SPTLC1: variants seen among roughly 807,000 people sequenced by gnomAD.
SPTLC1 encodes serine palmitoyltransferase long chain base subunit 1.
In SPTLC1, 55 loss-of-function variants were observed where a neutral mutation model predicts 68.9. The observed-to-expected ratio is 0.80, with a 90% CI of 0.64 to 1.00. The LOEUF is 1.00. SPTLC1 is among the 50% of genes least tolerant of loss of function. The probability of loss-of-function intolerance (pLI) is 0.00; values close to 1 mark genes in which losing one functional copy is unlikely to be tolerated. For synonymous variants in SPTLC1, 197 were observed against 201.6 expected (o/e 0.98, Z 0.19); for missense variants, 449 against 573.1 (o/e 0.78, Z 2.21).
intron 5 of SPTLC1, among the ~76,000 whole-genome samples, chr9:92,078,041 G>A (rs535415143): frequency 6.3e-4 from 95 of 151,940 alleles, no homozygotes; most frequent in Middle Eastern, 3.4e-3. Context: ...CTACACAGCT[G>A]TCCCTGCCCT....
intron 6 of SPTLC1, among the ~76,000 whole-genome samples, chr9:92,062,211 T>G (rs1834131311): frequency 6.6e-6 from 1 of 151,888 alleles, no homozygotes; most frequent in African/African-American, 2.4e-5. Context: ...AGAAAGAAAA[T>G]TATCAGAGTG....
At chr9:92,115,288 C>T in intron 1 of SPTLC1, 26 bp downstream of exon 1, 12 of 1,610,928 alleles carry the variant, frequency 7.4e-6, no homozygotes, top group Non-Finnish European at 1.0e-5. Context: ...GGTGTGGTCG[C>T]GGACCGCTAA....
chr9:92,097,467 T>C (rs781449033), intron 3 of SPTLC1, among the ~76,000 whole-genome samples: 1 of 152,258 alleles, frequency 6.6e-6, no homozygotes, highest in Non-Finnish European at 1.5e-5. Flanking sequence ...ACAAAATGTG[T>C]GTATCCATAC....
At chr9:92,098,531 AT>A (rs1835624564) in intron 3 of SPTLC1, among the ~76,000 whole-genome samples, 1 of 152,170 alleles carries the variant, frequency 6.6e-6, no homozygotes, top group Admixed American at 6.5e-5. Flanking sequence ...TCTGCAAACA[AT>A]TTACATAATG....
At chr9:92,112,362 C>G in intron 2 of SPTLC1, 93 bp downstream of exon 2, 1 of 879,398 alleles carries the variant, frequency 1.1e-6, no homozygotes. Flanking sequence ...AATGCTTTAA[C>G]ACACATGGTT....
chr9:92,089,906 G>T (rs1835293026), intron 3 of SPTLC1, among the ~76,000 whole-genome samples: 1 of 152,112 alleles, frequency 6.6e-6, no homozygotes, highest in Non-Finnish European at 1.5e-5. Context: ...CATAACACAG[G>T]CCAGGCCATG....
At chr9:92,056,170 G>C (rs543898701) in intron 7 of SPTLC1, among the ~76,000 whole-genome samples, 1 of 152,288 alleles carries the variant, frequency 6.6e-6, no homozygotes, top group South Asian at 2.1e-4. Flanking sequence ...TGTATTATCG[G>C]ATCAAGTAAA....
At chr9:92,049,498 C>G (rs1564087318) in intron 9 of SPTLC1, among the ~76,000 whole-genome samples, 1 of 152,010 alleles carries the variant, frequency 6.6e-6, no homozygotes, top group Non-Finnish European at 1.5e-5. Flanking sequence ...CACACACATG[C>G]ACACACACAC....
chr9:92,115,026 A>G (rs1664137045), intron 1 of SPTLC1: 1 of 529,238 alleles, frequency 1.9e-6, no homozygotes, highest in South Asian at 2.1e-5. Flanking sequence ...GTTTTTGCAG[A>G]CCTGTCTCCT....
chr9:92,106,680 T>A (rs1443843564), intron 3 of SPTLC1, among the ~76,000 whole-genome samples: 42 of 151,850 alleles, frequency 2.8e-4, no homozygotes, highest in Non-Finnish European at 1.8e-4. Flanking sequence ...AAGAATTGAG[T>A]AAAATTTGAT....
At chr9:92,109,691 G>C (rs1836152237) in intron 2 of SPTLC1, 1 of 152,274 alleles carries the variant, frequency 6.6e-6, no homozygotes, top group African/African-American at 2.4e-5. Context: ...TTTCATTTTA[G>C]GCCGGGCATG....
intron 2 of SPTLC1, chr9:92,110,507 T>G (rs1031585471): frequency 1.3e-5 from 2 of 152,222 alleles, no homozygotes; most frequent in African/African-American, 2.4e-5. Flanking sequence ...TTAGATTGAG[T>G]TGAACTGGTA....
rs919774486 is a variant in SPTLC1 at position 92,050,051 on chromosome 9, T to G, written c.797A>C (p.Lys266Thr). 6.2e-7 allele frequency: 1 copy of G among 1,612,222 alleles called. No homozygotes were observed. The highest frequency in any genetic ancestry group is 8.5e-7 in the Non-Finnish European group (1 of 1,178,230). The change falls in exon 9 of 15, where the codon AAA becomes ACA. Residue 266 changes from lysine (K) to threonine (T), a missense_variant. By Grantham distance (78) the Lys-to-Thr change is moderately conservative (BLOSUM62 -1). Transcript: ENST00000262554. ...CTCCAGGAAGATTCTTGCTTTGTATTTGTATTTTAACTTAACCTAAGTGTT... is the reference window on the plus strand; with the variant it reads ...CTCCAGGAAGATTCTTGCTTTGTATGTGTATTTTAACTTAACCTAAGTGTT... Reference protein sequence around the residue: ...PLPELVKLKYKYKARIFLEES... With the variant: ...PLPELVKLKYTYKARIFLEES...
In SPTLC1 at chr9:92,053,999, TG is replaced by T. The variant is rs1383521758; in HGVS notation, c.780+1405del. The T allele has an allele frequency of 2.9e-5, 29 of 985,112 alleles. No individual in the cohort carries two copies. The East Asian group carries it at 1.5e-3, about 50-fold the overall frequency. 61.0% of individuals were successfully genotyped at this position (985,112 alleles called of 1,614,324 possible). A position where few individuals can be genotyped will look rare whatever the true frequency, so the allele number is the denominator to read the frequency against. ...CTTTCACTATTAAAAAGCTAAGTTTTGGCCATGCGTGGTGGCTCACGCCTGT... is the reference window on the plus strand; with the variant it reads ...CTTTCACTATTAAAAAGCTAAGTTTTGCCATGCGTGGTGGCTCACGCCTGT... On this transcript the variant is annotated intron_variant, in intron 8 of 14. Coordinates refer to ENST00000262554, the MANE Select transcript of SPTLC1 (RefSeq NM_006415.4).
At chr9:92,071,782 A>G (rs1478844255) in intron 5 of SPTLC1, among the ~76,000 whole-genome samples, 2 of 152,200 alleles carry the variant, frequency 1.3e-5, no homozygotes, top group African/African-American at 2.4e-5. Flanking sequence ...GAAAACCACA[A>G]AAGAAGAAAA....
intron 13 of SPTLC1, 65 bp downstream of exon 13, chr9:92,038,183 A>C: frequency 9.1e-7 from 1 of 1,095,824 alleles, no homozygotes; most frequent in Non-Finnish European, 1.4e-6. Context: ...ATTTAACATT[A>C]AAAAATTGCT....
At chr9:92,084,185 A>C (rs1835018307) in intron 3 of SPTLC1, among the ~76,000 whole-genome samples, 1 of 151,540 alleles carries the variant, frequency 6.6e-6, no homozygotes, top group South Asian at 2.1e-4. Flanking sequence ...TGTCATCTGC[A>C]AACAGGGACA....
chr9:92,109,503 C>G (rs1836144018), intron 2 of SPTLC1: 2 of 152,730 alleles, frequency 1.3e-5, no homozygotes, highest in African/African-American at 4.8e-5. Context: ...CACTACTTAC[C>G]ACAATCCTCT....
Position 92,059,325 on chromosome 9 carries a change from T to A in SPTLC1, c.561-17A>T. On this transcript the variant is annotated splice_polypyrimidine_tract_variant and intron_variant, in intron 6 of 14. Coordinates refer to ENST00000262554, the MANE Select transcript of SPTLC1 (RefSeq NM_006415.4). ...GCTCTATCTCTGCAAGGAAAAGAGA[T>A]CCACCAAATTGGGTTTAAAGGGTCT... The A allele has an allele frequency of 1.2e-6, 2 of 1,612,992 alleles. No individual in the cohort carries two copies. Among genetic ancestry groups the A allele is most frequent in the Non-Finnish European group, 1.7e-6 (2 of 1,179,942 alleles).
Sources: gnomAD v4.1 joint callset for allele counts (sites outside exome capture counted in the v4.1 genomes callset) on GRCh38, gnomAD v4.1.1 for gene constraint, MANE v1.5 for transcripts, NCBI Gene and HGNC (gene_info 2026-07-23, HGNC 2026-07-21) for gene names.